MARCHF1: variants seen among roughly 807,000 people sequenced by gnomAD.
MARCHF1 encodes the protein E3 ubiquitin-protein ligase MARCHF1.
MARCHF1 carries 40 observed loss-of-function variants against 54.2 expected under a neutral mutation model. The ratio of observed to expected loss-of-function variants is 0.74; its 90% CI spans 0.57 to 0.96. MARCHF1 has a LOEUF of 0.96. MARCHF1 is among the 40% of genes least tolerant of loss of function. MARCHF1 has a pLI of 0.00. For missense variants in MARCHF1, 586 were observed against 656.5 expected (o/e 0.89, Z 1.17); for synonymous variants, 236 against 236.3 (o/e 1.00, Z 0.01).
intron 4 of MARCHF1, among the ~76,000 whole-genome samples, chr4:163,767,299 G>A (rs1747008728): frequency 6.6e-6 from 1 of 150,650 alleles, no homozygotes; most frequent in African/African-American, 2.4e-5. Context: ...TATCAACAGA[G>A]AACACGTTGT....
At chr4:163,719,104 A>G (rs1745356821) in intron 4 of MARCHF1, among the ~76,000 whole-genome samples, 1 of 152,112 alleles carries the variant, frequency 6.6e-6, no homozygotes, top group Non-Finnish European at 1.5e-5. Context: ...ATACGTATAC[A>G]TGGGCCATGT....
intron 2 of MARCHF1, among the ~76,000 whole-genome samples, chr4:164,013,004 A>G (rs1223931024): frequency 1.3e-5 from 2 of 152,188 alleles, no homozygotes; most frequent in African/African-American, 4.8e-5. Context: ...GCCCTCAAGC[A>G]CCAAGAACAC....
chr4:164,052,516 A>G (rs962666662), intron 2 of MARCHF1, among the ~76,000 whole-genome samples: 1 of 151,948 alleles, frequency 6.6e-6, no homozygotes, highest in Admixed American at 6.6e-5. Context: ...TGGGTGACAG[A>G]GTGACTTCGT....
At chr4:163,681,852 A>G (rs1022420711) in intron 5 of MARCHF1, among the ~76,000 whole-genome samples, 2 of 152,188 alleles carry the variant, frequency 1.3e-5, no homozygotes, top group African/African-American at 4.8e-5. Flanking sequence ...CTGTAAGGAT[A>G]CCAGAAAATG....
chr4:164,095,163 T>C (rs1037214031), intron 2 of MARCHF1, among the ~76,000 whole-genome samples: 1 of 152,070 alleles, frequency 6.6e-6, no homozygotes, highest in African/African-American at 2.4e-5. Flanking sequence ...TGAGTATAAA[T>C]TGAGAGCTCA....
chr4:164,210,277 C>T lies in MARCHF1; in HGVS notation c.-322-98615G>A, dbSNP rs189199782. ...ATGAGAAAAAGCTGATGGCTTAAAG[C>T]TGAAGAACATTTTAGAGGTAAAATT... On this transcript the variant is annotated intron_variant, in intron 1 of 9. Coordinates refer to ENST00000514618, the MANE Select transcript of MARCHF1 (RefSeq NM_001394959.1). 4.6e-5 allele frequency among the ~76,000 whole-genome samples: 7 copies of T among 152,186 alleles called. No homozygotes were observed. The East Asian group carries it at 7.7e-4, about 17-fold the overall frequency.
chr4:164,373,906 A>G (rs562334000), intron 1 of MARCHF1, among the ~76,000 whole-genome samples: 1 of 152,312 alleles, frequency 6.6e-6, no homozygotes, highest in African/African-American at 2.4e-5. Context: ...AATGTAGATT[A>G]CTCATTTATC....
intron 4 of MARCHF1, among the ~76,000 whole-genome samples, chr4:163,827,871 T>C (rs1264772098): frequency 1.3e-5 from 2 of 152,064 alleles, no homozygotes; most frequent in Admixed American, 6.6e-5. Flanking sequence ...TTCAAACCAA[T>C]AGAGCTAAGG....
chr4:163,781,944 G>T (rs935239267), intron 4 of MARCHF1, among the ~76,000 whole-genome samples: 1 of 152,058 alleles, frequency 6.6e-6, no homozygotes, highest in African/African-American at 2.4e-5. Flanking sequence ...TTTTGAAAAA[G>T]CTGTTACATA....
chr4:163,904,720 G>A (rs1751018456), intron 3 of MARCHF1, among the ~76,000 whole-genome samples: 1 of 151,540 alleles, frequency 6.6e-6, no homozygotes, highest in Admixed American at 6.6e-5. Context: ...TTACTTGAAG[G>A]AGTTTATATT....
At chr4:163,775,215 T>C (rs1179467804) in intron 4 of MARCHF1, among the ~76,000 whole-genome samples, 1 of 152,186 alleles carries the variant, frequency 6.6e-6, no homozygotes, top group Non-Finnish European at 1.5e-5. Context: ...GAATTCTCTT[T>C]CCACAGATAT....
At chr4:163,700,531 AGG>A (rs1356639894) in intron 5 of MARCHF1, among the ~76,000 whole-genome samples, 3 of 35,592 alleles carry the variant, frequency 8.4e-5, no homozygotes, top group Non-Finnish European at 1.7e-4. Flanking sequence ...GAAAGAAAGA[AGG>A]AAGGAAGGAA....
chr4:164,168,690 A>AC (rs1560936733), intron 1 of MARCHF1, among the ~76,000 whole-genome samples: 1 of 151,856 alleles, frequency 6.6e-6, no homozygotes, highest in African/African-American at 2.4e-5. Context: ...ACACACACAC[A>AC]AACACATAGA....
Position 163,778,634 on chromosome 4 carries a change from T to C in MARCHF1, c.111+75387A>G, listed in dbSNP as rs545505407. On this transcript the variant is annotated intron_variant, in intron 4 of 9. Coordinates refer to ENST00000514618, the MANE Select transcript of MARCHF1 (RefSeq NM_001394959.1). ...ATCAATGGGTGACTAGATAAGACAA[T>C]GTGGTATATATAGACAATGGAATAC... Among the ~76,000 whole-genome samples, 14 of 152,214 alleles carry C rather than the reference T, an allele frequency of 9.2e-5. No homozygotes were observed. The South Asian group carries it at 2.9e-3, about 32-fold the overall frequency.
At chr4:163,779,566 C>T (rs949702455) in intron 4 of MARCHF1, among the ~76,000 whole-genome samples, 2 of 151,552 alleles carry the variant, frequency 1.3e-5, no homozygotes, top group African/African-American at 4.8e-5. Flanking sequence ...GGTAGCTTGG[C>T]CATAAATGAG....
At chr4:163,579,412 T>C (rs1029123252) in intron 8 of MARCHF1, among the ~76,000 whole-genome samples, 2 of 152,192 alleles carry the variant, frequency 1.3e-5, no homozygotes, top group African/African-American at 4.8e-5. Context: ...TAATTTTTTG[T>C]TATTTTGTAG....
chr4:164,270,142 C>T (rs904122039), intron 1 of MARCHF1, among the ~76,000 whole-genome samples: 1 of 152,164 alleles, frequency 6.6e-6, no homozygotes, highest in Non-Finnish European at 1.5e-5. Context: ...CTTCCCTTGG[C>T]TGATTCTGTG....
At chr4:164,059,317 G>C (rs13130354) in intron 2 of MARCHF1, among the ~76,000 whole-genome samples, 1 of 152,068 alleles carries the variant, frequency 6.6e-6, no homozygotes, top group Non-Finnish European at 1.5e-5. Flanking sequence ...CACCAAGAGC[G>C]TTCCAATGTG....
At chr4:163,538,864 G>A (rs1208889226) in intron 9 of MARCHF1, among the ~76,000 whole-genome samples, 1 of 152,058 alleles carries the variant, frequency 6.6e-6, no homozygotes, top group Non-Finnish European at 1.5e-5. Context: ...CGGTAATCCT[G>A]TCCTGGGGTA....
Sources: allele counts gnomAD v4.1 joint callset (sites outside exome capture counted in the v4.1 genomes callset), GRCh38; gene constraint gnomAD v4.1.1; transcripts MANE v1.5; gene names NCBI Gene and HGNC (gene_info 2026-07-23, HGNC 2026-07-21).